The following HIF3A variants were observed in gnomAD, a reference collection of about 807,000 sequenced individuals.
HIF3A encodes the protein hypoxia inducible factor 3 subunit alpha.
A neutral mutation model predicts 67.2 loss-of-function variants in HIF3A; 41 were observed. That is an observed-to-expected ratio of 0.61 (90% confidence interval 0.48 to 0.79). The LOEUF (loss-of-function observed/expected upper bound fraction) is 0.79, where lower values mean the gene tolerates loss of function less well. HIF3A is among the 30% of genes least tolerant of loss of function. The pLI, the probability that HIF3A is intolerant of heterozygous loss-of-function variation, is 0.00. For synonymous variants in HIF3A, 356 were observed against 374.8 expected, an observed-to-expected ratio of 0.95 and a Z score of 0.58; for missense variants, 855 against 898.0, an observed-to-expected ratio of 0.95 and a Z score of 0.61.
chr19:46,330,789 T>C (rs1171925443), intron 12 of HIF3A, among the ~76,000 whole-genome samples: 2 of 145,886 alleles, frequency 1.4e-5, no homozygotes, highest in Non-Finnish European at 3.0e-5. Context: ...GATGGATGGA[T>C]GGATGGATGG....
At chr19:46,298,686 A>G (rs1053677081) in intron 1 of HIF3A, among the ~76,000 whole-genome samples, 2 of 152,102 alleles carry the variant, frequency 1.3e-5, no homozygotes, top group African/African-American at 4.8e-5. Flanking sequence ...GGGGACCAGC[A>G]CCCTACCAGA....
At chr19:46,305,209 C>A in intron 2 of HIF3A, 36 bp from the exon 3 acceptor site, 1 of 1,613,248 alleles carries the variant, frequency 6.2e-7, no homozygotes, top group Non-Finnish European at 8.5e-7. Context: ...CCATAACTGA[C>A]TAGAGATGCC....
At chr19:46,320,394 GCCAAGGACCCTCCCTGACTC>G in intron 8 of HIF3A, 29 bp from the exon 9 acceptor site, 1 of 1,474,564 alleles carries the variant, frequency 6.8e-7, no homozygotes, top group Non-Finnish European at 9.5e-7. Flanking sequence ...CTGGGCTGGA[GCCAAGGACCCTCCCTGACTC>G]CCACCTCCCT....
rs1017798750 is a variant in HIF3A at position 46,336,085 on chromosome 19, C to CTTTTTTT, written c.1912+1119_1912+1125dup. Reference sequence around the variant, plus strand: ...TTTTATTTTCTTTCTCTCTCTCTCTCTTTTTTTTTTTTTTTTTTTTTTTTT... The same window carrying CTTTTTTT: ...TTTTATTTTCTTTCTCTCTCTCTCTCTTTTTTTTTTTTTTTTTTTTTTTTTTTTTTTT... On this transcript the variant is annotated intron_variant, in intron 14 of 14. Coordinates refer to ENST00000377670, the MANE Select transcript of HIF3A (RefSeq NM_152795.4). Among the ~76,000 whole-genome samples the CTTTTTTT allele has an allele frequency of 1.8e-4, 14 of 79,372 alleles. 1 individual carries two copies. The highest frequency in any genetic ancestry group is 9.7e-4 in the South Asian group (2 of 2,062). 52.1% of individuals were successfully genotyped at this position (79,372 alleles called of 152,430 possible). A position where few individuals can be genotyped will look rare whatever the true frequency, so the allele number is the denominator to read the frequency against.
chr19:46,328,283 A>G (rs10403134), intron 11 of HIF3A, among the ~76,000 whole-genome samples: 1,954 of 152,352 alleles, frequency 0.013, 44 homozygotes, highest in African/African-American at 0.045. Flanking sequence ...AGAACATTCC[A>G]GAGGTTTAGA....
Position 46,320,219 on chromosome 19 carries a change from G to A in HIF3A, c.1026-224G>A, listed in dbSNP as rs142220613. Reference sequence around the variant, plus strand: ...CACTCCAGCCTGGGCGACAGAGTGAGACCTTGTCTTAAAAAAATAAAATGC... The same window carrying A: ...CACTCCAGCCTGGGCGACAGAGTGAAACCTTGTCTTAAAAAAATAAAATGC... On this transcript the variant is annotated intron_variant, in intron 8 of 14. Transcript: ENST00000377670. 5.7e-3 allele frequency: 2,734 copies of A among 479,920 alleles called. 38 individuals are homozygous for A. The highest frequency in any genetic ancestry group is 0.033 in the East Asian group (837 of 25,474). The allele number at this position is 479,920 out of a possible 1,614,324, so 29.7% of individuals were successfully genotyped here. A position where few individuals can be genotyped will look rare whatever the true frequency, so the allele number is the denominator to read the frequency against.
chr19:46,313,056 C>G, intron 8 of HIF3A: 4 of 869,802 alleles, frequency 4.6e-6, no homozygotes, highest in Non-Finnish European at 5.5e-6. Context: ...TCGAAACCAG[C>G]CTGGGCAACA....
At position 46,312,755 on chromosome 19, in the gene HIF3A, G is replaced by C; in HGVS notation, c.1025+102G>C. The C allele has an allele frequency of 5.4e-6, 8 of 1,475,792 alleles. No homozygotes were observed. In the South Asian group the frequency reaches 8.5e-5, roughly 16 times the overall value. 91.4% of individuals were successfully genotyped at this position (1,475,792 alleles called of 1,614,324 possible). On this transcript the variant is annotated intron_variant, in intron 8 of 14. Transcript: ENST00000377670. Reference sequence around the variant, plus strand: ...TGTGTGTGCGTATGAGCATGCATGTGTATCATGCATAAGTGTATGTGAGGG... The same window carrying C: ...TGTGTGTGCGTATGAGCATGCATGTCTATCATGCATAAGTGTATGTGAGGG...
intron 8 of HIF3A, chr19:46,313,018 G>A (rs10409869): frequency 2.0e-6 from 2 of 983,870 alleles, no homozygotes; most frequent in East Asian, 1.1e-4. Flanking sequence ...GGGAGGCTGA[G>A]GTGGGCGGAT....
intron 1 of HIF3A, among the ~76,000 whole-genome samples, chr19:46,303,373 A>G (rs8100021): frequency 0.89 from 135,661 of 152,134 alleles, 60,672 homozygotes; most frequent in African/African-American, 0.91. Flanking sequence ...TTGGTGGTTC[A>G]TCGTTAGACT....
chr19:46,297,215 C>G lies in HIF3A; in HGVS notation c.26+113C>G. On this transcript the variant is annotated intron_variant, in intron 1 of 14. Transcript: ENST00000377670. The surrounding 1 kb of genome is among the most constrained non-coding windows in gnomAD (Gnocchi z 4.5). The stretch of plus-strand genomic sequence containing the variant: ...TCGCGGGTGCGAGCCAAGAACGCCC[C>G]GGGGCGCGCAGTTGGAGGCACATCC... 1.6e-6 allele frequency: 1 copy of G among 629,602 alleles called. No homozygotes were observed. The highest frequency in any genetic ancestry group is 2.4e-6 in the Non-Finnish European group (1 of 416,874). 39.0% of individuals were successfully genotyped at this position (629,602 alleles called of 1,614,324 possible). A position where few individuals can be genotyped will look rare whatever the true frequency, so the allele number is the denominator to read the frequency against.
At chr19:46,304,249 C>T in intron 2 of HIF3A, 161 bp downstream of exon 2, 1 of 628,678 alleles carries the variant, frequency 1.6e-6, no homozygotes, top group Non-Finnish European at 2.8e-6. Context: ...GAATCGACTT[C>T]CCCGGGGAGG....
At chr19:46,304,126 C>T in intron 2 of HIF3A, 38 bp downstream of exon 2, 3 of 1,520,268 alleles carry the variant, frequency 2.0e-6, no homozygotes, top group Non-Finnish European at 2.7e-6. Flanking sequence ...CTTGGTCAGG[C>T]CCCGCCCACG....
At position 46,325,601 on chromosome 19, in the gene HIF3A, G is replaced by A. The variant is rs868705353; in HGVS notation, c.1402G>A (p.Asp468Asn). The stretch of plus-strand genomic sequence containing the variant: ...GCACAGACTCTTCACCTCCGGGAAA[G>A]ACACTGAGGCAGTGGAGACAGATTT... The part of the protein sequence containing the change: ...NVHRLFTSGK[D>N]TEAVETDLDI... Residue 468 changes from aspartate (D) to asparagine (N), a missense_variant, in exon 11 of 15, where the codon GAC (aspartate) becomes AAC (asparagine). By Grantham distance (23) the Asp-to-Asn change is conservative (BLOSUM62 1). Transcript: ENST00000377670. The A allele has an allele frequency of 6.2e-7, 1 of 1,613,494 alleles. No homozygotes were observed. Among genetic ancestry groups the A allele is most frequent in the South Asian group, 1.1e-5 (1 of 91,048 alleles).
intron 7 of HIF3A, 44 bp downstream of exon 7, chr19:46,312,311 G>T: frequency 6.2e-7 from 1 of 1,613,542 alleles, no homozygotes; most frequent in Non-Finnish European, 8.5e-7. Flanking sequence ...CTGCCACATG[G>T]CCCCCAGCTG....
In HIF3A at chr19:46,302,331, C is replaced by T. The variant is rs1968411165; in HGVS notation, c.27-1567C>T. Among the ~76,000 whole-genome samples, 3 of 152,234 alleles carry T rather than the reference C, an allele frequency of 2.0e-5. No individual in the cohort carries two copies. In the South Asian group the frequency reaches 6.2e-4, roughly 32 times the overall value. ...ATTTTTAGTAGAGACAGGGTTTCAC[C>T]ATGTTAGCCAGGATGGCCTCGATCT... On this transcript the variant is annotated intron_variant, in intron 1 of 14. Coordinates refer to ENST00000377670, the MANE Select transcript of HIF3A (RefSeq NM_152795.4).
intron 1 of HIF3A, chr19:46,298,597 T>G: frequency 9.6e-7 from 1 of 1,040,638 alleles, no homozygotes; most frequent in Non-Finnish European, 1.3e-6. Context: ...CCAAGGATGC[T>G]CTTGGGAAGT....
intron 1 of HIF3A, chr19:46,298,205 A>ACCCCCC: frequency 3.3e-6 from 1 of 303,412 alleles, no homozygotes; most frequent in Non-Finnish European, 6.5e-6. Context: ...CATGTTTCTA[A>ACCCCCC]CCGCCCCCAT....
chr19:46,315,513 T>C (rs746885418), intron 8 of HIF3A, among the ~76,000 whole-genome samples: 6 of 150,832 alleles, frequency 4.0e-5, no homozygotes, highest in Non-Finnish European at 7.4e-5. Context: ...ACAGCTACTG[T>C]AAACATTCTC....
Sources: allele counts gnomAD v4.1 joint callset (sites outside exome capture counted in the v4.1 genomes callset), GRCh38; gene constraint gnomAD v4.1.1; non-coding constraint Gnocchi (gnomAD v3.1); transcripts MANE v1.5; gene names NCBI Gene and HGNC (gene_info 2026-07-23, HGNC 2026-07-21).